The following KRABD4 variants were observed in gnomAD, a reference collection of about 807,000 sequenced individuals.
KRABD4 encodes the protein KRAB domain containing 4.
the KRABD4 span, among the ~76,000 whole-genome samples, chrX:46,464,396 C>T: frequency 2.7e-5 from 3 of 112,237 alleles, no homozygotes; most frequent in African/African-American, 9.7e-5. Flanking sequence ...TCCCCAGGGA[C>T]CCCATAGGCA....
At chrX:46,472,532 G>T in the KRABD4 span, 1 of 369,984 alleles carries the variant, frequency 2.7e-6, no homozygotes, top group Non-Finnish European at 4.6e-6. Context: ...TTTGAGCTTG[G>T]CTGCATATTA....
chrX:46,472,759 A>G, the KRABD4 span: 3 of 1,208,562 alleles, frequency 2.5e-6, no homozygotes, highest in Admixed American at 6.6e-5. Flanking sequence ...GAAGTCTGGC[A>G]AGTTGATGAG....
the KRABD4 span, among the ~76,000 whole-genome samples, chrX:46,467,140 A>G: frequency 1.8e-5 from 2 of 112,036 alleles, no homozygotes; most frequent in African/African-American, 3.2e-5. Flanking sequence ...TTTGGTTATT[A>G]TGAGTGAAGC....
At chrX:46,461,162 G>A in the KRABD4 span, among the ~76,000 whole-genome samples, 1 of 110,296 alleles carries the variant, frequency 9.1e-6, no homozygotes, top group Non-Finnish European at 1.9e-5. Flanking sequence ...CTGGACTGGA[G>A]GACTGAGTAA....
chrX:46,459,571 A>C, the KRABD4 span, among the ~76,000 whole-genome samples: 1 of 111,622 alleles, frequency 9.0e-6, no homozygotes, highest in African/African-American at 3.3e-5. Context: ...CCCTCCATAA[A>C]TGCCTAGCCA....
chrX:46,460,034 T>G, the KRABD4 span, among the ~76,000 whole-genome samples: 1 of 112,540 alleles, frequency 8.9e-6, no homozygotes, highest in South Asian at 3.7e-4. Flanking sequence ...ATCTGACTGA[T>G]GGGCCACAAA....
At chrX:46,450,975 T>G in the KRABD4 span, among the ~76,000 whole-genome samples, 2 of 111,413 alleles carry the variant, frequency 1.8e-5, no homozygotes, top group South Asian at 7.5e-4. Context: ...GTGCTGGGAT[T>G]ACAGGCGCGA....
chrX:46,448,054 C>T, the KRABD4 span: 1 of 111,974 alleles, frequency 8.9e-6, no homozygotes, highest in African/African-American at 3.2e-5. Flanking sequence ...GATAATTGAG[C>T]TGTGAATCAA....
At chrX:46,470,206 C>T in the KRABD4 span, among the ~76,000 whole-genome samples, 4 of 111,275 alleles carry the variant, frequency 3.6e-5, no homozygotes, top group African/African-American at 1.3e-4. Flanking sequence ...GTATTCTACC[C>T]AGTTTCCACT....
chrX:46,462,418 G>T, the KRABD4 span: 4 of 234,178 alleles, frequency 1.7e-5, no homozygotes, highest in Non-Finnish European at 2.3e-5. Flanking sequence ...GCTGAGGCAG[G>T]AGAATCGCTT....
At chrX:46,460,410 T>C in the KRABD4 span, among the ~76,000 whole-genome samples, 1 of 90,345 alleles carries the variant, frequency 1.1e-5, no homozygotes. Context: ...AGAGCGAAAC[T>C]CAGTCTCAAA....
the KRABD4 span, chrX:46,463,192 G>A: frequency 2.2e-5 from 27 of 1,206,937 alleles, no homozygotes; most frequent in East Asian, 5.9e-5. Flanking sequence ...CATTTCCCCC[G>A]AACAGGGTAT....
chrX:46,448,011 C>T, the KRABD4 span, among the ~76,000 whole-genome samples: 4 of 111,482 alleles, frequency 3.6e-5, no homozygotes, highest in African/African-American at 1.3e-4. Context: ...TTCCAAAGCC[C>T]GGACTCAGGA....
At chrX:46,466,813 T>C in the KRABD4 span, among the ~76,000 whole-genome samples, 1 of 112,372 alleles carries the variant, frequency 8.9e-6, no homozygotes, top group African/African-American at 3.2e-5. Context: ...AGGTGTATAG[T>C]TGTATAGTTT....
the KRABD4 span, chrX:46,454,224 A>G: frequency 6.1e-6 from 1 of 164,722 alleles, no homozygotes; most frequent in Non-Finnish European, 1.3e-5. Flanking sequence ...GGTAAAATTC[A>G]GTGACAGCTG....
chrX:46,466,327 T>G, the KRABD4 span, among the ~76,000 whole-genome samples: 28 of 112,165 alleles, frequency 2.5e-4, no homozygotes, highest in South Asian at 1.9e-3. Context: ...ATTATGAAAA[T>G]TTTTGTATAA....
chrX:46,452,864 A>G, the KRABD4 span, among the ~76,000 whole-genome samples: 1 of 112,313 alleles, frequency 8.9e-6, no homozygotes, highest in Non-Finnish European at 1.9e-5. Context: ...ACAGTGTATT[A>G]TCCGCTGTGA....
chrX:46,452,724 T>C, the KRABD4 span, among the ~76,000 whole-genome samples: 14 of 112,402 alleles, frequency 1.2e-4, no homozygotes, highest in South Asian at 5.1e-3. Flanking sequence ...ACTTTCTAAA[T>C]ATGAAGTTTC....
At chrX:46,466,876 T>C in the KRABD4 span, among the ~76,000 whole-genome samples, 1 of 112,323 alleles carries the variant, frequency 8.9e-6, no homozygotes, top group African/African-American at 3.2e-5. Flanking sequence ...TTGGACATTT[T>C]CATCCCCTGC....
Sources: allele counts gnomAD v4.1 joint callset (sites outside exome capture counted in the v4.1 genomes callset), GRCh38; gene constraint gnomAD v4.1.1; transcripts MANE v1.5; gene names NCBI Gene and HGNC (gene_info 2026-07-23, HGNC 2026-07-21).